The following TENM4 variants were observed in gnomAD, a reference collection of about 807,000 sequenced individuals.
TENM4 encodes the protein teneurin transmembrane protein 4.
A neutral mutation model predicts 243.3 loss-of-function variants in TENM4; 82 were observed. The observed-to-expected ratio is 0.34, with a 90% CI of 0.28 to 0.40. The LOEUF is 0.40. Among genes scored for constraint, TENM4 ranks in the 10% least tolerant of loss-of-function variants. The pLI is 1.00. For synonymous variants in TENM4, 1,412 were observed against 1,456.3 expected, an observed-to-expected ratio of 0.97 and a Z score of 0.69; for missense variants, 3,138 against 3,673.3, an observed-to-expected ratio of 0.85 and a Z score of 3.77.
chr11:79,299,062 C>CCACACACACACACACACACA, intron 1 of TENM4, among the ~76,000 whole-genome samples: 1 of 150,256 alleles, frequency 6.7e-6, no homozygotes, highest in African/African-American at 2.5e-5. Flanking sequence ...GGTGCTGTAT[C>CCACACACACACACACACACA]CACACACACA....
chr11:78,879,102 G>A (rs1437895460), intron 9 of TENM4, among the ~76,000 whole-genome samples: 3 of 151,704 alleles, frequency 2.0e-5, no homozygotes, highest in African/African-American at 7.3e-5. Flanking sequence ...GAAGTGAGGT[G>A]TGCCTCTGCC....
chr11:78,764,629 G>C (rs1244104480), intron 18 of TENM4, among the ~76,000 whole-genome samples: 2 of 152,226 alleles, frequency 1.3e-5, no homozygotes, highest in East Asian at 3.9e-4. Flanking sequence ...TACAGGAGGA[G>C]CTCATCCCTC....
At chr11:79,407,624 G>T (rs1242154077) in intron 1 of TENM4, among the ~76,000 whole-genome samples, 1 of 152,166 alleles carries the variant, frequency 6.6e-6, no homozygotes, top group Non-Finnish European at 1.5e-5. Flanking sequence ...AAATGTAAAA[G>T]ACATGCTTTC....
chr11:79,303,535 A>C (rs139518014), intron 1 of TENM4, among the ~76,000 whole-genome samples: 216 of 152,368 alleles, frequency 1.4e-3, no homozygotes, highest in African/African-American at 4.9e-3. Flanking sequence ...AGCACTTTAC[A>C]AATATTAACT....
chr11:79,365,193 T>C (rs755661994), intron 1 of TENM4, among the ~76,000 whole-genome samples: 1 of 152,226 alleles, frequency 6.6e-6, no homozygotes, highest in Non-Finnish European at 1.5e-5. Flanking sequence ...GGATAAGCAC[T>C]ATATCTACCC....
chr11:79,188,023 G>T (rs1863409767), intron 3 of TENM4, among the ~76,000 whole-genome samples: 1 of 152,208 alleles, frequency 6.6e-6, no homozygotes, highest in African/African-American at 2.4e-5. Flanking sequence ...TTGGGAGGGA[G>T]AAAAACTCAC....
rs189476722 is a variant in TENM4, at chr11:79,030,544, T to C, written c.493+34194A>G. On this transcript the variant is annotated intron_variant, in intron 6 of 33. Coordinates refer to ENST00000278550, the MANE Select transcript of TENM4 (RefSeq NM_001098816.3). ...GCAGGGAGGAGAGACAGCTCCCCAC[T>C]GGATATCTGGCAGCCTGTCCTTCTC... is the stretch of plus-strand genomic sequence containing the variant. Among the ~76,000 whole-genome samples the C allele has an allele frequency of 1.9e-4, 29 of 152,226 alleles. No homozygotes were observed. The South Asian group carries it at 2.5e-3, about 13-fold the overall frequency.
chr11:79,215,692 C>T (rs1007548124), intron 3 of TENM4, 116 bp downstream of exon 3: 3 of 907,582 alleles, frequency 3.3e-6, no homozygotes, highest in Non-Finnish European at 1.3e-6. Context: ...GCTGCCAAGT[C>T]GTAAAAGCCT....
rs1857830936 is a variant in TENM4, at chr11:78,653,952, C to T, written c.*4106G>A. On this transcript the variant is annotated 3_prime_UTR_variant, in exon 34 of 34. Coordinates refer to ENST00000278550, the MANE Select transcript of TENM4 (RefSeq NM_001098816.3). Reference sequence around the variant, plus strand: ...AGGTTGGAGAGGATAAGGTTTCTCTCTATCACCTCAGCAATGAGTCTTTAA... The same window carrying T: ...AGGTTGGAGAGGATAAGGTTTCTCTTTATCACCTCAGCAATGAGTCTTTAA... 1 of 152,238 alleles carries T rather than the reference C, an allele frequency of 6.6e-6. No individual in the cohort carries two copies. The highest frequency in any genetic ancestry group is 1.5e-5 in the Non-Finnish European group (1 of 68,048). The allele number at this position is 152,238 out of a possible 1,614,324, so 9.4% of individuals were successfully genotyped here.
At chr11:78,978,425 T>C (rs994595398) in intron 6 of TENM4, among the ~76,000 whole-genome samples, 2 of 151,910 alleles carry the variant, frequency 1.3e-5, no homozygotes, top group African/African-American at 4.8e-5. Context: ...ATGATCCATT[T>C]AGTCCTTGCA....
At chr11:79,085,163 G>A (rs1010847787) in intron 4 of TENM4, among the ~76,000 whole-genome samples, 3 of 152,056 alleles carry the variant, frequency 2.0e-5, no homozygotes, top group South Asian at 2.1e-4. Context: ...ACGAGGTCAG[G>A]AGATCGAGAC....
chr11:78,982,820 C>T (rs914224012), intron 6 of TENM4, among the ~76,000 whole-genome samples: 19 of 152,228 alleles, frequency 1.2e-4, no homozygotes, highest in Admixed American at 9.2e-4. Context: ...GTTTCTCCTG[C>T]CCTTTGGAAA....
Position 79,435,706 on chromosome 11 carries a change from C to T in TENM4, c.-321+4803G>A, listed in dbSNP as rs1033838142. On this transcript the variant is annotated intron_variant, in intron 1 of 33. Coordinates refer to ENST00000278550, the MANE Select transcript of TENM4 (RefSeq NM_001098816.3). ...GCTGAGAACCCCGGGCGGAGACTTG[C>T]ACCACTGGTGCTTATCAAGTCTCAT... 2.6e-5 allele frequency among the ~76,000 whole-genome samples: 4 copies of T among 152,324 alleles called. No homozygotes were observed. The East Asian group carries it at 7.7e-4, about 29-fold the overall frequency.
At chr11:79,263,401 C>T (rs1590835662) in intron 2 of TENM4, among the ~76,000 whole-genome samples, 1 of 152,148 alleles carries the variant, frequency 6.6e-6, no homozygotes, top group Non-Finnish European at 1.5e-5. Context: ...GGTGAAGTAA[C>T]GAGGTCATTA....
chr11:79,245,965 A>C (rs1855508259), intron 2 of TENM4, among the ~76,000 whole-genome samples: 1 of 151,204 alleles, frequency 6.6e-6, no homozygotes, highest in East Asian at 1.9e-4. Flanking sequence ...AAAAAAAAGA[A>C]AAGAAAAGGA....
At chr11:79,193,987 C>G (rs1042286961) in intron 3 of TENM4, among the ~76,000 whole-genome samples, 8 of 151,964 alleles carry the variant, frequency 5.3e-5, no homozygotes, top group African/African-American at 1.9e-4. Flanking sequence ...ATTGTATCTC[C>G]CAGAATTCCC....
chr11:79,384,578 C>T (rs549708833), intron 1 of TENM4, among the ~76,000 whole-genome samples: 126 of 152,294 alleles, frequency 8.3e-4, no homozygotes, highest in African/African-American at 2.8e-3. Context: ...TTCTGACTCT[C>T]GGATTTCCCA....
intron 4 of TENM4, among the ~76,000 whole-genome samples, chr11:79,100,344 C>T (rs576027205): frequency 3.3e-5 from 5 of 152,214 alleles, no homozygotes; most frequent in South Asian, 2.1e-4. Flanking sequence ...CAGCCTCTTC[C>T]GTGCCCAGTG....
At chr11:79,364,497 G>A (rs561369367) in intron 1 of TENM4, among the ~76,000 whole-genome samples, 11 of 152,242 alleles carry the variant, frequency 7.2e-5, no homozygotes, top group South Asian at 6.2e-4. Flanking sequence ...TAAAATCTCC[G>A]TAGGTATGGG....
Sources: gnomAD v4.1 joint callset for allele counts (sites outside exome capture counted in the v4.1 genomes callset) on GRCh38, gnomAD v4.1.1 for gene constraint, MANE v1.5 for transcripts, NCBI Gene and HGNC (gene_info 2026-07-23, HGNC 2026-07-21) for gene names.